Variants in SLC10A7 observed in about 807,000 individuals in gnomAD.
SLC10A7 encodes the protein sodium/bile acid cotransporter 7.
SLC10A7 carries 29 observed loss-of-function variants against 43.2 expected under a neutral mutation model. The ratio of observed to expected loss-of-function variants is 0.67; its 90% CI spans 0.50 to 0.92. SLC10A7 has a LOEUF of 0.92. Among genes scored for constraint, SLC10A7 ranks in the 40% least tolerant of loss-of-function variants. SLC10A7 has a pLI of 0.00. For missense variants in SLC10A7, 295 were observed against 403.2 expected (o/e 0.73, Z 2.30); for synonymous variants, 152 against 144.8 (o/e 1.05, Z -0.35).
intron 4 of SLC10A7, among the ~76,000 whole-genome samples, chr4:146,471,476 G>C (rs1009480405): frequency 3.3e-5 from 5 of 152,082 alleles, no homozygotes; most frequent in African/African-American, 1.2e-4. Flanking sequence ...ATGTCTATCT[G>C]AATATTTTTC....
intron 10 of SLC10A7, among the ~76,000 whole-genome samples, chr4:146,270,353 T>C (rs897819332): frequency 3.3e-5 from 5 of 152,204 alleles, no homozygotes; most frequent in African/African-American, 1.2e-4. Flanking sequence ...ACACAACTAA[T>C]TCTGGTGTTC....
At chr4:146,400,398 G>A (rs1026888856) in intron 5 of SLC10A7, among the ~76,000 whole-genome samples, 1 of 152,084 alleles carries the variant, frequency 6.6e-6, no homozygotes, top group African/African-American at 2.4e-5. Flanking sequence ...ATAAAATAGG[G>A]CAGTGGCTAA....
chr4:146,442,239 A>T lies in SLC10A7; in HGVS notation c.435+544T>A, dbSNP rs1300857749. On this transcript the variant is annotated intron_variant, in intron 5 of 11. Transcript: ENST00000335472. ...AAAGCTGAACTACTTTTGAATCTTT[A>T]TATATATATATATATAGATACAACA... 3 of 744,554 alleles carry T rather than the reference A, an allele frequency of 4.0e-6. No individual in the cohort carries two copies. The East Asian group carries it at 3.7e-4, about 92-fold the overall frequency. The allele number at this position is 744,554 out of a possible 1,614,324, so 46.1% of individuals were successfully genotyped here.
intron 5 of SLC10A7, among the ~76,000 whole-genome samples, chr4:146,350,079 G>A (rs145180606): frequency 0.068 from 10,335 of 151,716 alleles, 429 homozygotes; most frequent in South Asian, 0.17. Context: ...CAGCGTGAGC[G>A]ACGCAGAAGA....
At chr4:146,434,873 T>G (rs1730086962) in intron 5 of SLC10A7, among the ~76,000 whole-genome samples, 1 of 152,174 alleles carries the variant, frequency 6.6e-6, no homozygotes, top group Non-Finnish European at 1.5e-5. Context: ...CTTGAAGTTT[T>G]ATAGTAAAAT....
intron 5 of SLC10A7, among the ~76,000 whole-genome samples, chr4:146,345,697 G>A (rs781559197): frequency 8.6e-5 from 13 of 151,970 alleles, no homozygotes; most frequent in South Asian, 6.2e-4. Flanking sequence ...TAATGCCTGC[G>A]TCTCCTTCAC....
At chr4:146,267,811 T>C (rs574959552) in intron 10 of SLC10A7, among the ~76,000 whole-genome samples, 1 of 152,296 alleles carries the variant, frequency 6.6e-6, no homozygotes, top group African/African-American at 2.4e-5. Flanking sequence ...AGGGTTGGGT[T>C]CACTGAATCT....
chr4:146,258,964 C>T (rs960916540), intron 10 of SLC10A7, 127 bp from the exon 11 acceptor site: 8 of 1,066,226 alleles, frequency 7.5e-6, no homozygotes, highest in Non-Finnish European at 9.2e-6. Flanking sequence ...ATTCACAGAA[C>T]TGAAATGGGA....
rs752381573 is a variant in SLC10A7, at chr4:146,290,323, C to CAAA, written c.773+2603_773+2605dup. Among the ~76,000 whole-genome samples the CAAA allele has an allele frequency of 2.1e-4, 9 of 42,520 alleles. 1 individual carries two copies. Among genetic ancestry groups the CAAA allele is most frequent in the Non-Finnish European group, 2.5e-4 (6 of 23,932 alleles). 27.9% of individuals were successfully genotyped at this position (42,520 alleles called of 152,430 possible). On this transcript the variant is annotated intron_variant, in intron 9 of 11. Coordinates refer to ENST00000335472, the MANE Select transcript of SLC10A7 (RefSeq NM_001029998.6). ...TGGGCGATAGAGCAAGACTCCATCT[C>CAAA]AAAAAAGAAAAAAAAAAAAAAAAAG... is the stretch of plus-strand genomic sequence containing the variant.
intron 5 of SLC10A7, among the ~76,000 whole-genome samples, chr4:146,402,462 C>A (rs1739287573): frequency 6.6e-6 from 1 of 152,104 alleles, no homozygotes; most frequent in African/African-American, 2.4e-5. Flanking sequence ...AGACTTCATC[C>A]CAGTCACCTC....
At chr4:146,304,841 AC>A (rs1233949942) in intron 7 of SLC10A7, among the ~76,000 whole-genome samples, 1 of 152,020 alleles carries the variant, frequency 6.6e-6, no homozygotes, top group African/African-American at 2.4e-5. Flanking sequence ...TCTAATGTTG[AC>A]AGTGGGGCGT....
At chr4:146,489,086 TG>T (rs34520851) in intron 4 of SLC10A7, among the ~76,000 whole-genome samples, 13 of 152,202 alleles carry the variant, frequency 8.5e-5, no homozygotes, top group Admixed American at 2.0e-4. Context: ...TGTGCCTTGG[TG>T]GGGTAGTACC....
intron 5 of SLC10A7, among the ~76,000 whole-genome samples, chr4:146,364,289 A>G (rs1056155850): frequency 6.6e-6 from 1 of 152,170 alleles, no homozygotes; most frequent in African/African-American, 2.4e-5. Flanking sequence ...AGATTAAACC[A>G]TGAAGAAATA....
At position 146,256,461 on chromosome 4, in the gene SLC10A7, T is replaced by C. The variant is rs1214188580; in HGVS notation, c.*30A>G. The C allele has an allele frequency of 2.5e-6, 4 of 1,611,866 alleles. No individual in the cohort carries two copies. In the African/African-American group the frequency reaches 5.3e-5, roughly 21 times the overall value. ...TAGTATGTACAATCCTGTACATATA[T>C]ACATTGCTACAGAAAGTCCACCTCC... On this transcript the variant is annotated 3_prime_UTR_variant, in exon 12 of 12. Coordinates refer to ENST00000335472, the MANE Select transcript of SLC10A7 (RefSeq NM_001029998.6).
chr4:146,490,108 C>T (rs1352816766), intron 4 of SLC10A7, among the ~76,000 whole-genome samples: 1 of 151,872 alleles, frequency 6.6e-6, no homozygotes, highest in Non-Finnish European at 1.5e-5. Flanking sequence ...GGGTATGGTA[C>T]ATTATTTTTA....
At chr4:146,488,807 AT>A (rs991090802) in intron 4 of SLC10A7, among the ~76,000 whole-genome samples, 1 of 152,202 alleles carries the variant, frequency 6.6e-6, no homozygotes, top group Non-Finnish European at 1.5e-5. Flanking sequence ...GTGTATCTTA[AT>A]TTTTTTATAA....
At chr4:146,440,871 T>C (rs1043746097) in intron 5 of SLC10A7, among the ~76,000 whole-genome samples, 2 of 152,212 alleles carry the variant, frequency 1.3e-5, no homozygotes, top group African/African-American at 2.4e-5. Flanking sequence ...CTCTCTCCTT[T>C]ACCAGTTAAG....
At chr4:146,496,787 C>A (rs773690304) in intron 4 of SLC10A7, among the ~76,000 whole-genome samples, 14 of 152,108 alleles carry the variant, frequency 9.2e-5, no homozygotes, top group Non-Finnish European at 8.8e-5. Flanking sequence ...ATTTGTTATG[C>A]TTTTCTCTTG....
chr4:146,256,328 C>A lies in SLC10A7; in HGVS notation c.*163G>T. 1.5e-6 allele frequency: 1 copy of A among 655,956 alleles called. No homozygotes were observed. The highest frequency in any genetic ancestry group is 2.6e-6 in the Non-Finnish European group (1 of 381,218). The allele number at this position is 655,956 out of a possible 1,614,324, so 40.6% of individuals were successfully genotyped here. ...AACAAAGCATATTTTGGAAATAACG[C>A]TCTTGTCAAATACATTTTAAGGCAC... On this transcript the variant is annotated 3_prime_UTR_variant, in exon 12 of 12. Transcript: ENST00000335472.
Sources: allele counts gnomAD v4.1 joint callset (sites outside exome capture counted in the v4.1 genomes callset), GRCh38; gene constraint gnomAD v4.1.1; transcripts MANE v1.5; gene names NCBI Gene and HGNC (gene_info 2026-07-23, HGNC 2026-07-21).